The following PARP9 variants were observed in gnomAD, a reference collection of about 807,000 sequenced individuals.
PARP9 encodes the protein protein mono-ADP-ribosyltransferase PARP9.
PARP9 carries 48 observed loss-of-function variants against 68.8 expected under a neutral mutation model. The ratio of observed to expected loss-of-function variants is 0.70; its 90% confidence interval spans 0.55 to 0.89. PARP9 has a LOEUF of 0.89. Among genes scored for constraint, PARP9 ranks in the 40% least tolerant of loss-of-function variants. PARP9 has a pLI of 0.00. For missense variants in PARP9, 806 were observed against 969.3 expected (o/e 0.83, Z 2.24); for synonymous variants, 309 against 333.8 (o/e 0.93, Z 0.81).
chr3:122,556,196 C>T (rs1030061343), intron 3 of PARP9, 75 bp from the exon 4 acceptor site: 27 of 981,562 alleles, frequency 2.8e-5, no homozygotes, highest in Non-Finnish European at 3.7e-5. Context: ...AGGTTGTAAT[C>T]CCACTTCATA....
Position 122,536,308 on chromosome 3 carries a change from G to A in PARP9, c.1940C>T (p.Ala647Val), listed in dbSNP as rs201827620. ...EKIDNEVLMA[A>V]FQRKKKMMEE... ...CATCATTTTCTTCTTTCTTTGAAAG[G>A]CAGCCATAAGGACCTCATTGTCTAT... The change falls in exon 10 of 11, where the codon GCC becomes GTC. Residue 647 changes from alanine (A) to valine (V), a missense_variant. By Grantham distance (64) the Ala-to-Val change is moderately conservative. Transcript: ENST00000682323. 91 of 1,613,686 alleles carry A rather than the reference G, an allele frequency of 5.6e-5. No individual in the cohort carries two copies. Among genetic ancestry groups the A allele is most frequent in the Non-Finnish European group, 1.3e-5 (15 of 1,179,980 alleles).
intron 2 of PARP9, among the ~76,000 whole-genome samples, chr3:122,558,922 C>A (rs1213382379): frequency 6.6e-6 from 1 of 152,118 alleles, no homozygotes; most frequent in Non-Finnish European, 1.5e-5. Context: ...GCTATGTTGA[C>A]CAGGCTGGTC....
chr3:122,542,500 G>A (rs923599225), intron 7 of PARP9, among the ~76,000 whole-genome samples: 2 of 152,058 alleles, frequency 1.3e-5, no homozygotes, highest in African/African-American at 4.8e-5. Context: ...TCCGCCTCCC[G>A]GGTTCACACC....
At chr3:122,549,437 G>A (rs1272074720) in intron 6 of PARP9, among the ~76,000 whole-genome samples, 1 of 152,154 alleles carries the variant, frequency 6.6e-6, no homozygotes, top group Non-Finnish European at 1.5e-5. Context: ...TATAGCCAGC[G>A]AGAGGCAAAG....
In PARP9 at chr3:122,540,865, T is replaced by C. The variant is rs1201178735; in HGVS notation, c.1385-13A>G. ...GTTGACTGGGGGACTGAAATGACTATAATAAGCAACCATGGAAGACTAGCA... is the reference window on the plus strand; with the variant it reads ...GTTGACTGGGGGACTGAAATGACTACAATAAGCAACCATGGAAGACTAGCA... On this transcript the variant is annotated splice_polypyrimidine_tract_variant and intron_variant, in intron 7 of 10. Transcript: ENST00000682323. 6.3e-7 allele frequency: 1 copy of C among 1,594,124 alleles called. No individual in the cohort carries two copies. The highest frequency in any genetic ancestry group is 8.5e-7 in the Non-Finnish European group (1 of 1,172,652).
At chr3:122,531,443 T>C (rs139083301) in intron 10 of PARP9, among the ~76,000 whole-genome samples, 64 of 152,354 alleles carry the variant, frequency 4.2e-4, no homozygotes, top group African/African-American at 1.5e-3. Context: ...AAAGTCTATA[T>C]ATAAATATAT....
rs1178011441 is a variant in PARP9 at position 122,555,767 on chromosome 3, G to A, written c.404C>T (p.Ala135Val). ...EIQEESKQFVARYGKVSAGEI... is the reference protein window; with the variant it reads ...EIQEESKQFVVRYGKVSAGEI... ...ACCAGCTGACACTTTACCATATCTG[G>A]CAACAAACTGTTTGCTCTCTTCTTG... The change falls in exon 4 of 11, where the codon GCC becomes GTC. Residue 135 changes from alanine to valine, a missense_variant. Coordinates refer to ENST00000682323, the MANE Select transcript of PARP9 (RefSeq NM_001146105.2). 6.2e-7 allele frequency: 1 copy of A among 1,613,676 alleles called. No individual in the cohort carries two copies. The highest frequency in any genetic ancestry group is 8.5e-7 in the Non-Finnish European group (1 of 1,179,994).
chr3:122,560,209 G>A (rs953025735), intron 1 of PARP9, among the ~76,000 whole-genome samples: 3 of 152,130 alleles, frequency 2.0e-5, no homozygotes, highest in Admixed American at 2.0e-4. Context: ...AATGATAGGG[G>A]TATATCTGGT....
intron 10 of PARP9, chr3:122,531,641 A>G (rs2077313714): frequency 6.6e-6 from 1 of 152,006 alleles, no homozygotes; most frequent in Admixed American, 6.6e-5. Context: ...ACAAGTACAT[A>G]TATATATATG....
intron 3 of PARP9, among the ~76,000 whole-genome samples, 180 bp from the exon 4 acceptor site, chr3:122,556,301 C>A (rs9859250): frequency 0.52 from 78,238 of 151,734 alleles, 20,800 homozygotes; most frequent in East Asian, 0.67. Context: ...AATTAGACCA[C>A]GGACATCTAA....
At chr3:122,534,759 C>G (rs543803676) in intron 10 of PARP9, 2 of 297,164 alleles carry the variant, frequency 6.7e-6, no homozygotes, top group African/African-American at 4.5e-5. Context: ...GCCTGTAATC[C>G]CAGCTACCTG....
At chr3:122,536,537 C>A in intron 9 of PARP9, 195 bp from the exon 10 acceptor site, 1 of 1,034,226 alleles carries the variant, frequency 9.7e-7, no homozygotes, top group Non-Finnish European at 1.3e-6. Flanking sequence ...TTCAAAATTC[C>A]CTGCCCCTTC....
At chr3:122,558,596 G>C (rs992274419) in intron 2 of PARP9, 129 bp from the exon 3 acceptor site, 3 of 1,090,718 alleles carry the variant, frequency 2.8e-6, no homozygotes, top group South Asian at 1.8e-5. Flanking sequence ...TGGGAGGGCA[G>C]GAAGCATGTG....
intron 1 of PARP9, 24 bp from the exon 2 acceptor site, chr3:122,559,733 C>A: frequency 2.0e-6 from 2 of 1,003,902 alleles, no homozygotes; most frequent in Non-Finnish European, 2.8e-6. Context: ...AGAAAAGATG[C>A]AATAAACATT....
chr3:122,542,541 G>A (rs1396774077), intron 7 of PARP9, among the ~76,000 whole-genome samples: 3 of 152,014 alleles, frequency 2.0e-5, no homozygotes, highest in African/African-American at 4.8e-5. Context: ...GTGTAGTGGC[G>A]CAATCTCGGC....
At position 122,555,920 on chromosome 3, in the gene PARP9, T is replaced by C; in HGVS notation, c.251A>G (p.Glu84Gly). ...GAGGTCATCTTTCCAGACTGATAACTCTATCCTAGGAGTCAGCATTTTTCT... is the reference window on the plus strand; with the variant it reads ...GAGGTCATCTTTCCAGACTGATAACCCTATCCTAGGAGTCAGCATTTTTCT... ...VFRKMLTPRI[E>G]LSVWKDDLTT... is the part of the protein sequence containing the mutation. Residue 84 changes from glutamate (E) to glycine (G), a missense_variant, in exon 4 of 11, where the codon GAG becomes GGG. By Grantham distance (98) the Glu-to-Gly change is moderately conservative (BLOSUM62 -2). Around this residue, in one of 2 missense-constraint regions of PARP9, gnomAD observed 126 missense variants for 110.5 expected, o/e 1.14. Coordinates refer to ENST00000682323, the MANE Select transcript of PARP9 (RefSeq NM_001146105.2). 6.2e-7 allele frequency: 1 copy of C among 1,614,018 alleles called. No individual in the cohort carries two copies. The highest frequency in any genetic ancestry group is 8.5e-7 in the Non-Finnish European group (1 of 1,179,998).
chr3:122,555,381 T>G lies in PARP9; in HGVS notation c.790A>C (p.Ser264Arg). The G allele has an allele frequency of 6.2e-7, 1 of 1,614,178 alleles. No homozygotes were observed. The highest frequency in any genetic ancestry group is 8.5e-7 in the Non-Finnish European group (1 of 1,180,024). ...KAASEFILGK[S>R]ELGQETTPSF... ...GGGGTGGTTTCTTGTCCCAGCTCAC[T>G]CTTCCCTAGGATGAATTCTGAAGCA... Residue 264 changes from serine (S) to arginine (R), a missense_variant, in exon 4 of 11, where the codon AGT (serine) becomes CGT (arginine). Physicochemically the swap from Ser to Arg is moderately radical, Grantham distance 110 (BLOSUM62 -1). Around this residue, in one of 2 missense-constraint regions of PARP9, gnomAD observed 680 missense variants for 858.8 expected, o/e 0.79. Coordinates refer to ENST00000682323, the MANE Select transcript of PARP9 (RefSeq NM_001146105.2).
rs10577699 is a variant in PARP9, at chr3:122,538,658, C to CCACACACACACACA, written c.1766-1599_1766-1586dup. On this transcript the variant is annotated intron_variant, in intron 8 of 10. Transcript: ENST00000682323. Reference sequence around the variant, plus strand: ...TGATTTCAGTTAATTTAAAGCAATGCCACACACACACACACACACACACAC... The same window carrying CCACACACACACACA: ...TGATTTCAGTTAATTTAAAGCAATGCCACACACACACACACACACACACACACACACACACACAC... Among the ~76,000 whole-genome samples, 5 of 145,032 alleles carry CCACACACACACACA rather than the reference C, an allele frequency of 3.4e-5. No homozygotes were observed. In the South Asian group the frequency reaches 6.8e-4, roughly 20 times the overall value.
At chr3:122,533,988 T>C in intron 10 of PARP9, 1 of 985,408 alleles carries the variant, frequency 1.0e-6, no homozygotes, top group Middle Eastern at 5.2e-4. Flanking sequence ...GCACCTTCTG[T>C]TAAGAGTTCT....
Sources: gnomAD v4.1 joint callset for allele counts (sites outside exome capture counted in the v4.1 genomes callset) on GRCh38, gnomAD v4.1.1 for gene constraint, gnomAD v4.1.1 regional missense constraint, MANE v1.5 for transcripts, NCBI Gene and HGNC (gene_info 2026-07-23, HGNC 2026-07-21) for gene names.